The following SLC35F3 variants were observed in gnomAD, a reference collection of about 807,000 sequenced individuals.
SLC35F3 encodes the protein putative thiamine transporter SLC35F3.
SLC35F3 carries 25 observed loss-of-function variants against 49.9 expected under a neutral mutation model. The observed-to-expected ratio is 0.50, with a 90% CI of 0.37 to 0.70. The LOEUF is 0.70. Ranked by LOEUF, SLC35F3 falls within the 30% of genes least tolerant of loss-of-function variation. SLC35F3 has a pLI of 0.00. For synonymous variants in SLC35F3, 275 were observed against 265.4 expected (o/e 1.04, Z -0.35); for missense variants, 525 against 639.8 (o/e 0.82, Z 1.94).
chr1:233,991,358 G>A (rs1409376443), intron 2 of SLC35F3, among the ~76,000 whole-genome samples: 1 of 151,938 alleles, frequency 6.6e-6, no homozygotes. Context: ...AAACGCCCGT[G>A]CCTTGCCTAA....
chr1:234,241,892 G>A (rs771607568), intron 3 of SLC35F3, among the ~76,000 whole-genome samples: 8 of 152,134 alleles, frequency 5.3e-5, no homozygotes, highest in Admixed American at 2.6e-4. Context: ...ATGATTACCC[G>A]AGTGGTGATT....
At chr1:234,088,496 C>T (rs1352831429) in intron 2 of SLC35F3, among the ~76,000 whole-genome samples, 1 of 152,104 alleles carries the variant, frequency 6.6e-6, no homozygotes, top group Admixed American at 6.5e-5. Context: ...GCGTGAGCCA[C>T]TGTGCCCAGC....
intron 2 of SLC35F3, among the ~76,000 whole-genome samples, chr1:234,051,119 G>A (rs533222790): frequency 2.1e-4 from 32 of 152,166 alleles, no homozygotes; most frequent in African/African-American, 5.8e-4. Context: ...TTGGCATTGC[G>A]GGCTCTTTTT....
intron 2 of SLC35F3, among the ~76,000 whole-genome samples, chr1:234,051,922 G>A (rs184749097): frequency 7.9e-5 from 12 of 152,290 alleles, no homozygotes; most frequent in East Asian, 1.9e-4. Flanking sequence ...CTTTGGTTCC[G>A]TTTAAGTGAT....
intron 2 of SLC35F3, among the ~76,000 whole-genome samples, chr1:234,144,582 C>T (rs569027348): frequency 5.9e-5 from 9 of 152,162 alleles, no homozygotes; most frequent in East Asian, 3.9e-4. Flanking sequence ...TATTTAGAAG[C>T]GAAATTAGCA....
chr1:234,230,549 A>C (rs1667351592), intron 2 of SLC35F3, among the ~76,000 whole-genome samples: 1 of 152,216 alleles, frequency 6.6e-6, no homozygotes. Context: ...GCTTTGTTTA[A>C]ATTTCCAGCT....
intron 4 of SLC35F3, among the ~76,000 whole-genome samples, chr1:234,311,836 T>C (rs1294990338): frequency 6.6e-6 from 1 of 152,232 alleles, no homozygotes; most frequent in Non-Finnish European, 1.5e-5. Context: ...TAGAGTCAAG[T>C]GACGAGGTCA....
chr1:234,039,249 A>C (rs1283245041), intron 2 of SLC35F3, among the ~76,000 whole-genome samples: 8 of 152,244 alleles, frequency 5.3e-5, no homozygotes, highest in Non-Finnish European at 1.0e-4. Context: ...AGGAGCATAC[A>C]GTGATAGAAA....
In SLC35F3 at chr1:233,917,879, T is replaced by G. The variant is rs540666704; in HGVS notation, c.283+12121T>G. ...GCTAATAAAAACCAAAATACCCTGG[T>G]GAATGTGACTGTTACTTTACATAAT... On this transcript the variant is annotated intron_variant, in intron 2 of 7. Coordinates refer to ENST00000366618, the MANE Select transcript of SLC35F3 (RefSeq NM_173508.4). Among the ~76,000 whole-genome samples, 270 of 152,330 alleles carry G rather than the reference T, an allele frequency of 1.8e-3. 2 individuals carry two copies. The Middle Eastern group carries it at 0.034, about 19-fold the overall frequency.
intron 2 of SLC35F3, among the ~76,000 whole-genome samples, chr1:234,162,313 C>T (rs1453793279): frequency 6.9e-6 from 1 of 145,760 alleles, no homozygotes; most frequent in African/African-American, 2.5e-5. Context: ...GCCCCACTCT[C>T]ATCCCCATAT....
chr1:234,225,424 T>A (rs1405529170), intron 2 of SLC35F3, among the ~76,000 whole-genome samples: 1 of 152,196 alleles, frequency 6.6e-6, no homozygotes, highest in Non-Finnish European at 1.5e-5. Flanking sequence ...AAAGTTTTCA[T>A]CAGACCCTGT....
chr1:234,142,145 T>C (rs1021835297), intron 2 of SLC35F3, among the ~76,000 whole-genome samples: 6 of 152,316 alleles, frequency 3.9e-5, no homozygotes, highest in African/African-American at 1.2e-4. Context: ...ACCTAGGACA[T>C]GGTTCTGAGT....
chr1:233,965,355 T>C (rs1402837277), intron 2 of SLC35F3, among the ~76,000 whole-genome samples: 1 of 152,232 alleles, frequency 6.6e-6, no homozygotes, highest in Non-Finnish European at 1.5e-5. Flanking sequence ...CCCTATCTCC[T>C]GGTGCTCACC....
Position 234,214,350 on chromosome 1 carries a change from C to T in SLC35F3, c.284-17067C>T. On this transcript the variant is annotated intron_variant, in intron 2 of 7. Coordinates refer to ENST00000366618, the MANE Select transcript of SLC35F3 (RefSeq NM_173508.4). This position sits in a 1 kb window ranked among gnomAD's most constrained non-coding sequence, Gnocchi z 8.0. The stretch of plus-strand genomic sequence containing the variant: ...GCGGCAACCGGAGCCCGGCGGGCAG[C>T]CGGGGAGGCCGGGACTGAGAGGGGC... The T allele has an allele frequency of 7.6e-7, 1 of 1,315,420 alleles. No individual in the cohort carries two copies. Among genetic ancestry groups the T allele is most frequent in the Middle Eastern group, 2.9e-4 (1 of 3,480 alleles). 81.5% of individuals were successfully genotyped at this position (1,315,420 alleles called of 1,614,324 possible).
intron 2 of SLC35F3, among the ~76,000 whole-genome samples, chr1:234,216,501 T>C (rs1385278022): frequency 6.6e-6 from 1 of 152,180 alleles, no homozygotes; most frequent in African/African-American, 2.4e-5. Flanking sequence ...AAGTGAAAAT[T>C]ATCTCCCACT....
intron 3 of SLC35F3, among the ~76,000 whole-genome samples, chr1:234,282,892 T>C (rs1261931266): frequency 6.6e-6 from 1 of 152,164 alleles, no homozygotes; most frequent in African/African-American, 2.4e-5. Context: ...CCTTGGGGAA[T>C]GGGTTATTAA....
chr1:233,934,816 T>C (rs1280889976), intron 2 of SLC35F3, among the ~76,000 whole-genome samples: 1 of 151,168 alleles, frequency 6.6e-6, no homozygotes, highest in African/African-American at 2.4e-5. Context: ...TAAACAATGT[T>C]TCAATGAAAA....
At chr1:234,195,379 T>C (rs1182603755) in intron 2 of SLC35F3, among the ~76,000 whole-genome samples, 1 of 152,200 alleles carries the variant, frequency 6.6e-6, no homozygotes, top group Non-Finnish European at 1.5e-5. Context: ...CTTGACTTTA[T>C]TCAGGCTTAT....
rs543224656 is a variant in SLC35F3 at position 234,169,831 on chromosome 1, G to T, written c.284-61586G>T. Reference sequence around the variant, plus strand: ...CTCCCAGGCTGGAGTGCAGTAGTGCGATCTCAGCTCACTGCAAGCTCCGCC... The same window carrying T: ...CTCCCAGGCTGGAGTGCAGTAGTGCTATCTCAGCTCACTGCAAGCTCCGCC... On this transcript the variant is annotated intron_variant, in intron 2 of 7. Coordinates refer to ENST00000366618, the MANE Select transcript of SLC35F3 (RefSeq NM_173508.4). Among the ~76,000 whole-genome samples the T allele has an allele frequency of 5.3e-5, 8 of 152,018 alleles. 1 individual carries two copies. The highest frequency in any genetic ancestry group is 1.9e-4 in the African/African-American group (8 of 41,384).
Sources: allele counts gnomAD v4.1 joint callset (sites outside exome capture counted in the v4.1 genomes callset), GRCh38; gene constraint gnomAD v4.1.1; non-coding constraint Gnocchi (gnomAD v3.1); transcripts MANE v1.5; gene names NCBI Gene and HGNC (gene_info 2026-07-23, HGNC 2026-07-21).